Variants in GRM8 observed in about 807,000 individuals in gnomAD.
GRM8 encodes the protein metabotropic glutamate receptor 8.
In GRM8, 47 loss-of-function variants were observed where a neutral mutation model predicts 87.2. The ratio of observed to expected loss-of-function variants is 0.54; its 90% CI spans 0.43 to 0.69. The LOEUF (loss-of-function observed/expected upper bound fraction) is 0.69. Among genes scored for constraint, GRM8 ranks in the 30% least tolerant of loss-of-function variants. GRM8 has a pLI of 0.00. For synonymous variants in GRM8, 396 were observed against 404.5 expected (o/e 0.98, Z 0.25); for missense variants, 1,019 against 1,139.2 (o/e 0.89, Z 1.52).
intron 3 of GRM8, among the ~76,000 whole-genome samples, chr7:126,960,197 A>G (rs938543012): frequency 6.6e-6 from 1 of 152,218 alleles, no homozygotes; most frequent in Non-Finnish European, 1.5e-5. Context: ...GGGAAAAAAA[A>G]GAAATCTCCT....
intron 3 of GRM8, among the ~76,000 whole-genome samples, chr7:127,081,096 A>T (rs1257301780): frequency 2.6e-5 from 4 of 152,160 alleles, no homozygotes; most frequent in Admixed American, 6.5e-5. Context: ...TAGAAATGAG[A>T]TTCTAATTAG....
intron 3 of GRM8, among the ~76,000 whole-genome samples, chr7:126,941,537 G>A (rs915494837): frequency 8.6e-5 from 13 of 151,170 alleles, no homozygotes; most frequent in Non-Finnish European, 1.5e-4. Flanking sequence ...GGAGAATGGC[G>A]TGAACCCAGG....
chr7:127,247,099 C>A (rs1798618957), intron 1 of GRM8, among the ~76,000 whole-genome samples: 1 of 152,230 alleles, frequency 6.6e-6, no homozygotes, highest in Non-Finnish European at 1.5e-5. Flanking sequence ...TCTGGAAGAA[C>A]ACTAACATAT....
chr7:126,519,866 T>C (rs1010604253), intron 9 of GRM8, among the ~76,000 whole-genome samples: 4 of 151,892 alleles, frequency 2.6e-5, no homozygotes, highest in African/African-American at 9.7e-5. Flanking sequence ...ACCTTGGAAG[T>C]GAGAAGGAAA....
At chr7:126,862,371 G>T (rs541867836) in intron 6 of GRM8, among the ~76,000 whole-genome samples, 1 of 151,454 alleles carries the variant, frequency 6.6e-6, no homozygotes, top group Non-Finnish European at 1.5e-5. Context: ...TGATTTTTTT[G>T]AATGTAATAT....
chr7:126,576,137 T>C (rs1164615494), intron 8 of GRM8, among the ~76,000 whole-genome samples: 1 of 152,182 alleles, frequency 6.6e-6, no homozygotes, highest in African/African-American at 2.4e-5. Context: ...TTATGTAATA[T>C]TTAAAAACTA....
chr7:126,440,942 T>C (rs977756249), intron 10 of GRM8, among the ~76,000 whole-genome samples: 8 of 152,172 alleles, frequency 5.3e-5, no homozygotes, highest in Admixed American at 2.6e-4. Flanking sequence ...AAACTAAAAA[T>C]ATAAAAGTGC....
chr7:126,862,362 G>T (rs1474968907), intron 6 of GRM8, among the ~76,000 whole-genome samples: 1 of 151,668 alleles, frequency 6.6e-6, no homozygotes. Flanking sequence ...TTGCTACTTT[G>T]ATTTTTTTGA....
chr7:126,585,429 G>A (rs1040013638), intron 8 of GRM8, among the ~76,000 whole-genome samples: 8 of 151,996 alleles, frequency 5.3e-5, no homozygotes, highest in Non-Finnish European at 8.8e-5. Flanking sequence ...AAATCCACCC[G>A]TTACACATTT....
chr7:126,694,882 C>T (rs1383255966), intron 7 of GRM8, among the ~76,000 whole-genome samples: 1 of 152,156 alleles, frequency 6.6e-6, no homozygotes, highest in Admixed American at 6.5e-5. Flanking sequence ...TTTAATGTGG[C>T]CAACAACAAT....
intron 3 of GRM8, among the ~76,000 whole-genome samples, chr7:127,059,875 C>T (rs1820442673): frequency 6.6e-6 from 1 of 152,184 alleles, no homozygotes; most frequent in Non-Finnish European, 1.5e-5. Context: ...CCATAAAAAC[C>T]TTGGCAACTT....
chr7:126,968,895 T>C (rs1323461652), intron 3 of GRM8, among the ~76,000 whole-genome samples: 1 of 152,150 alleles, frequency 6.6e-6, no homozygotes, highest in East Asian at 1.9e-4. Context: ...CCACAATGTA[T>C]ACAGGCATAG....
At chr7:126,725,169 G>C (rs1366446106) in intron 7 of GRM8, among the ~76,000 whole-genome samples, 8 of 152,114 alleles carry the variant, frequency 5.3e-5, no homozygotes, top group Non-Finnish European at 1.5e-5. Context: ...CTTCTCTAAG[G>C]GTAGTTTTAT....
At chr7:126,705,089 T>G (rs1028675078) in intron 7 of GRM8, among the ~76,000 whole-genome samples, 1 of 152,164 alleles carries the variant, frequency 6.6e-6, no homozygotes, top group African/African-American at 2.4e-5. Context: ...TTCTCTCTTT[T>G]GTACTCTGTC....
At chr7:126,943,032 T>C (rs1010005941) in intron 3 of GRM8, among the ~76,000 whole-genome samples, 1 of 152,174 alleles carries the variant, frequency 6.6e-6, no homozygotes, top group African/African-American at 2.4e-5. Flanking sequence ...ATGTCTCAGG[T>C]GGGACCTGAC....
At chr7:126,524,365 C>T (rs1813505325) in intron 9 of GRM8, among the ~76,000 whole-genome samples, 1 of 152,174 alleles carries the variant, frequency 6.6e-6, no homozygotes, top group South Asian at 2.1e-4. Context: ...AACACGGTTC[C>T]TTCAAGAAAG....
intron 7 of GRM8, among the ~76,000 whole-genome samples, chr7:126,750,893 T>C (rs888115742): frequency 6.6e-6 from 1 of 152,134 alleles, no homozygotes; most frequent in Non-Finnish European, 1.5e-5. Flanking sequence ...AGTAATTACC[T>C]TAATCACCCT....
chr7:127,203,862 GA>G (rs2116578096), intron 2 of GRM8, among the ~76,000 whole-genome samples: 1 of 151,752 alleles, frequency 6.6e-6, no homozygotes, highest in East Asian at 1.9e-4. Context: ...GAGTGGGAGA[GA>G]CAGAAGAAAG....
chr7:126,824,916 A>G (rs1053985243), intron 6 of GRM8, among the ~76,000 whole-genome samples: 2 of 152,340 alleles, frequency 1.3e-5, no homozygotes, highest in South Asian at 4.1e-4. Flanking sequence ...ACCATTGGTC[A>G]TGAAAACCTC....
Sources: gnomAD v4.1 joint callset for allele counts (sites outside exome capture counted in the v4.1 genomes callset) on GRCh38, gnomAD v4.1.1 for gene constraint, MANE v1.5 for transcripts, NCBI Gene and HGNC (gene_info 2026-07-23, HGNC 2026-07-21) for gene names.